The following ARHGAP21 variants were observed in gnomAD, a reference collection of about 807,000 sequenced individuals.
ARHGAP21 encodes the protein rho GTPase-activating protein 21.
A neutral mutation model predicts 164.6 loss-of-function variants in ARHGAP21; 38 were observed. The observed-to-expected ratio is 0.23, with a 90% CI of 0.18 to 0.30. ARHGAP21 has a LOEUF of 0.30. ARHGAP21 is among the 10% of genes least tolerant of loss of function. The pLI, the probability that ARHGAP21 is intolerant of heterozygous loss-of-function variation, is 1.00. For synonymous variants in ARHGAP21, 766 were observed against 857.9 expected (o/e 0.89, Z 1.87); for missense variants, 1,822 against 2,370.7 (o/e 0.77, Z 4.81).
At chr10:24,705,494 A>C (rs1183004253) in intron 2 of ARHGAP21, among the ~76,000 whole-genome samples, 1 of 152,210 alleles carries the variant, frequency 6.6e-6, no homozygotes, top group Admixed American at 6.5e-5. Context: ...AGAATAGAGA[A>C]AACAGTACAT....
intron 12 of ARHGAP21, among the ~76,000 whole-genome samples, chr10:24,603,559 A>C (rs921462800): frequency 2.6e-5 from 4 of 152,234 alleles, no homozygotes; most frequent in Non-Finnish European, 5.9e-5. Context: ...AGTCACTGGA[A>C]AAATGGTGAC....
intron 3 of ARHGAP21, among the ~76,000 whole-genome samples, chr10:24,669,072 CCAAA>C (rs1714314455): frequency 6.6e-6 from 1 of 151,732 alleles, no homozygotes; most frequent in Admixed American, 6.6e-5. Context: ...TTGAGAAAAC[CCAAA>C]CAGATAAATT....
At chr10:24,706,720 A>C (rs917342129) in intron 2 of ARHGAP21, 9 of 152,454 alleles carry the variant, frequency 5.9e-5, no homozygotes, top group African/African-American at 2.2e-4. Context: ...TTCCTGTCTA[A>C]GCAGCAATAG....
At chr10:24,690,144 T>C (rs1245734052) in intron 2 of ARHGAP21, among the ~76,000 whole-genome samples, 2 of 152,132 alleles carry the variant, frequency 1.3e-5, no homozygotes, top group Non-Finnish European at 2.9e-5. Context: ...CTTCTCTTTG[T>C]TCATTATCTT....
In ARHGAP21 at chr10:24,584,717, G is replaced by A. The variant is rs564432633; in HGVS notation, c.5572C>T (p.Leu1858=). The A allele has an allele frequency of 8.7e-6, 14 of 1,613,954 alleles. No homozygotes were observed. In the East Asian group the frequency reaches 2.2e-4, roughly 26 times the overall value. The change falls in exon 26 of 26, where the codon CTA becomes TTA. Residue 1858 remains leucine, a synonymous_variant. Coordinates refer to ENST00000396432, the MANE Select transcript of ARHGAP21 (RefSeq NM_020824.4). ...CTAAGGTCAGAGGTACTGGTGCGTAGGCGTTCCCTGGCCAGCCAGTCTGAG... is the reference window on the plus strand; with the variant it reads ...CTAAGGTCAGAGGTACTGGTGCGTAAGCGTTCCCTGGCCAGCCAGTCTGAG... ...SISDWLARER[L]RTSTSDLSRG... is the part of the protein sequence containing the mutation.
intron 23 of ARHGAP21, 63 bp downstream of exon 23, chr10:24,591,579 C>T (rs1264739683): frequency 1.1e-5 from 18 of 1,573,920 alleles, no homozygotes; most frequent in Admixed American, 3.4e-5. Flanking sequence ...ACATTGTTGG[C>T]GCGCCAGGAT....
intron 2 of ARHGAP21, among the ~76,000 whole-genome samples, chr10:24,689,838 ATATATATG>A (rs761543132): frequency 7.6e-5 from 11 of 145,038 alleles, no homozygotes; most frequent in Non-Finnish European, 1.4e-4. Flanking sequence ...ATGTATGTGT[ATATATATG>A]TATATATGTA....
chr10:24,698,038 C>T (rs1340210260), intron 2 of ARHGAP21, among the ~76,000 whole-genome samples: 1 of 151,928 alleles, frequency 6.6e-6, no homozygotes, highest in East Asian at 1.9e-4. Context: ...TATATGACCA[C>T]CCTTAGAAAA....
chr10:24,672,310 G>C, intron 2 of ARHGAP21, among the ~76,000 whole-genome samples: 1 of 151,984 alleles, frequency 6.6e-6, no homozygotes, highest in East Asian at 1.9e-4. Context: ...CCTCCTTCTT[G>C]AAGAATTTTC....
chr10:24,669,583 CTAA>C (rs1159005224), intron 3 of ARHGAP21, among the ~76,000 whole-genome samples: 1 of 152,130 alleles, frequency 6.6e-6, no homozygotes, highest in Admixed American at 6.5e-5. Flanking sequence ...TTATATGGGG[CTAA>C]TAATACCACC....
intron 2 of ARHGAP21, among the ~76,000 whole-genome samples, chr10:24,673,754 T>C (rs957811821): frequency 2.0e-5 from 3 of 151,974 alleles, no homozygotes; most frequent in African/African-American, 7.2e-5. Flanking sequence ...CCCCACTACT[T>C]GAGAGGCTAA....
chr10:24,606,519 A>T (rs1416860564), intron 11 of ARHGAP21, among the ~76,000 whole-genome samples: 1 of 152,230 alleles, frequency 6.6e-6, no homozygotes, highest in East Asian at 1.9e-4. Context: ...AGAGTGTAAC[A>T]GCAGAGGCTT....
intron 9 of ARHGAP21, among the ~76,000 whole-genome samples, chr10:24,616,888 A>C (rs537931504): frequency 6.6e-6 from 1 of 152,318 alleles, no homozygotes; most frequent in African/African-American, 2.4e-5. Context: ...TGGGAACAGT[A>C]AACAAAATAC....
chr10:24,621,268 A>G lies in ARHGAP21; in HGVS notation c.627T>C (p.Ser209=). The G allele has an allele frequency of 6.2e-7, 1 of 1,613,942 alleles. No homozygotes were observed. The highest frequency in any genetic ancestry group is 8.5e-7 in the Non-Finnish European group (1 of 1,179,844). ...CTGGCTGTGCCATGGCTGATGGGGC[A>G]GATGGCAGCCAGGGATAGCAGATTG... is the stretch of plus-strand genomic sequence containing the variant. ...PPPICYPWLP[S]APSAMAQPVE... Residue 209 remains serine, a synonymous_variant, in exon 9 of 26, where the codon TCT becomes TCC. Coordinates refer to ENST00000396432, the MANE Select transcript of ARHGAP21 (RefSeq NM_020824.4).
intron 9 of ARHGAP21, among the ~76,000 whole-genome samples, chr10:24,611,965 C>A (rs1352006786): frequency 6.6e-6 from 1 of 152,132 alleles, no homozygotes; most frequent in African/African-American, 2.4e-5. Flanking sequence ...TCTCATAACA[C>A]CCAATGTCCA....
At position 24,621,054 on chromosome 10, in the gene ARHGAP21, C is replaced by A. The variant is rs767349793; in HGVS notation, c.841G>T (p.Val281Phe). Residue 281 changes from valine to phenylalanine, a missense_variant, in exon 9 of 26, where the codon GTT becomes TTT. Transcript: ENST00000396432. ...TTTCTATTGGATAACAAATCTACAA[C>A]CTTCTCAGAAGGCACAATGACAGTC... ...VRTVIVPSEK[V>F]VDLLSNRNNH... The A allele has an allele frequency of 9.3e-6, 15 of 1,613,826 alleles. No individual in the cohort carries two copies. Among genetic ancestry groups the A allele is most frequent in the Non-Finnish European group, 1.3e-5 (15 of 1,179,838 alleles).
At chr10:24,688,997 A>G (rs902048989) in intron 2 of ARHGAP21, among the ~76,000 whole-genome samples, 1 of 152,124 alleles carries the variant, frequency 6.6e-6, no homozygotes, top group African/African-American at 2.4e-5. Context: ...CTTGGGAGAG[A>G]GGCAAGGGCG....
chr10:24,621,099 C>T lies in ARHGAP21; in HGVS notation c.796G>A (p.Val266Ile). 6.2e-7 allele frequency: 1 copy of T among 1,613,892 alleles called. No homozygotes were observed. The highest frequency in any genetic ancestry group is 2.2e-5 in the East Asian group (1 of 44,880). The change falls in exon 9 of 26, where the codon GTT (valine) becomes ATT (isoleucine). Residue 266 changes from valine to isoleucine, a missense_variant. This residue lies in a region of ARHGAP21 where 1,090 missense variants were observed against 1,378.9 expected (regional missense o/e 0.79). Coordinates refer to ENST00000396432, the MANE Select transcript of ARHGAP21 (RefSeq NM_020824.4). ...ACAGTCCTTACACTTTCATTGCAAA[C>T]ACACACTGCTGTGTTTGATTTTGCA... The part of the protein sequence containing the change: ...DVAKSNTAVC[V>I]CNESVRTVIV...
chr10:24,600,092 C>T (rs1300621068), intron 14 of ARHGAP21, among the ~76,000 whole-genome samples: 1 of 144,150 alleles, frequency 6.9e-6, no homozygotes, highest in Non-Finnish European at 1.5e-5. Flanking sequence ...AAGATCGCGC[C>T]ACTGCACTCC....
Sources: gnomAD v4.1 joint callset for allele counts (sites outside exome capture counted in the v4.1 genomes callset) on GRCh38, gnomAD v4.1.1 for gene constraint, gnomAD v4.1.1 regional missense constraint, MANE v1.5 for transcripts, NCBI Gene and HGNC (gene_info 2026-07-23, HGNC 2026-07-21) for gene names.